RIMS2: variants seen among roughly 807,000 people sequenced by gnomAD.
RIMS2 encodes regulating synaptic membrane exocytosis 2.
Under a neutral mutation model 174.4 loss-of-function variants are expected in RIMS2, and 59 were observed. The ratio of observed to expected loss-of-function variants is 0.34; its 90% CI spans 0.27 to 0.42. The LOEUF (loss-of-function observed/expected upper bound fraction) is 0.42. RIMS2 is among the 10% of genes least tolerant of loss of function. The pLI, the probability that RIMS2 is intolerant of heterozygous loss-of-function variation, is 1.00. For missense variants in RIMS2, 1,620 were observed against 1,666.3 expected, an observed-to-expected ratio of 0.97 and a Z score of 0.48; for synonymous variants, 606 against 572.5, an observed-to-expected ratio of 1.06 and a Z score of -0.84.
chr8:103,626,551 A>G (rs1489857816), intron 1 of RIMS2, among the ~76,000 whole-genome samples: 1 of 152,258 alleles, frequency 6.6e-6, no homozygotes, highest in Non-Finnish European at 1.5e-5. Flanking sequence ...TGTTGCACAT[A>G]AAAGTGACAC....
chr8:103,910,676 A>T (rs2075491257), intron 5 of RIMS2, 147 bp downstream of exon 8: 1 of 506,830 alleles, frequency 2.0e-6, no homozygotes, highest in Admixed American at 3.7e-5. Flanking sequence ...GAAAAACAAA[A>T]CCAAACTAAA....
intron 19 of RIMS2, among the ~76,000 whole-genome samples, chr8:104,220,016 G>T (rs1383600901): frequency 6.6e-6 from 1 of 151,942 alleles, no homozygotes; most frequent in Non-Finnish European, 1.5e-5. Context: ...GTTATACATA[G>T]GAAAACAATT....
At chr8:103,714,459 G>A (rs1422980230) in intron 2 of RIMS2, among the ~76,000 whole-genome samples, 1 of 152,104 alleles carries the variant, frequency 6.6e-6, no homozygotes, top group African/African-American at 2.4e-5. Flanking sequence ...ATTAGAGAAG[G>A]TAGTCAAGAA....
chr8:103,908,989 A>G (rs1214004950), intron 4 of RIMS2, among the ~76,000 whole-genome samples: 1 of 152,180 alleles, frequency 6.6e-6, no homozygotes, highest in Non-Finnish European at 1.5e-5. Context: ...TTCAGAAACC[A>G]TGGTGTTCCT....
At chr8:103,843,291 T>C (rs1165425797) in intron 3 of RIMS2, among the ~76,000 whole-genome samples, 4 of 152,212 alleles carry the variant, frequency 2.6e-5, no homozygotes, top group Non-Finnish European at 4.4e-5. Context: ...TTTTTGGTTT[T>C]AAAGAGACAG....
intron 1 of RIMS2, among the ~76,000 whole-genome samples, chr8:103,600,339 G>T (rs1048349572): frequency 5.3e-5 from 8 of 151,802 alleles, no homozygotes; most frequent in Non-Finnish European, 1.2e-4. Context: ...GTGCAATCTT[G>T]GCTCACTGTA....
chr8:103,800,233 T>A (rs377150238), intron 3 of RIMS2, among the ~76,000 whole-genome samples: 170 of 152,270 alleles, frequency 1.1e-3, no homozygotes, highest in African/African-American at 3.8e-3. Flanking sequence ...ATTTTTTTTT[T>A]AGGTTTTTTG....
chr8:103,530,405 G>A (rs940605221), intron 1 of RIMS2, among the ~76,000 whole-genome samples: 2 of 152,072 alleles, frequency 1.3e-5, no homozygotes, highest in African/African-American at 2.4e-5. Context: ...ATTTGACCAC[G>A]AATCTGTTAA....
At chr8:104,176,346 C>T (rs984164771) in intron 19 of RIMS2, among the ~76,000 whole-genome samples, 13 of 151,940 alleles carry the variant, frequency 8.6e-5, no homozygotes, top group Non-Finnish European at 1.0e-4. Context: ...CAAGCTGAAT[C>T]GGGAACAACC....
In RIMS2 at chr8:104,249,716, G is replaced by A. The variant is rs538992803; in HGVS notation, c.3691+128G>A. On this transcript the variant is annotated intron_variant, in intron 22 of 23. Coordinates refer to ENST00000504942, the Ensembl canonical transcript of RIMS2. ...ACTAATGGATGGTCCATTATGACTG[G>A]TCTGGTGCTGGAGTCATTTGTGTGT... The A allele has an allele frequency of 1.2e-5, 7 of 606,190 alleles. No individual in the cohort carries two copies. The East Asian group carries it at 1.4e-4, about 13-fold the overall frequency. The allele number at this position is 606,190 out of a possible 1,614,324, so 37.6% of individuals were successfully genotyped here.
Position 103,796,557 on chromosome 8 carries a change from A to G in RIMS2, c.698+30020A>G, listed in dbSNP as rs1386424806. ...ACCACTTTTTTTCCTTTCCCCTATA[A>G]TCTAGCCTCAGCAGATCACTAATGA... On this transcript the variant is annotated intron_variant, in intron 3 of 23. Transcript: ENST00000504942. Among the ~76,000 whole-genome samples, 6 of 152,074 alleles carry G rather than the reference A, an allele frequency of 3.9e-5. No individual in the cohort carries two copies. In the South Asian group the frequency reaches 1.2e-3, roughly 32 times the overall value.
At chr8:104,102,355 C>T (rs2097918692) in intron 19 of RIMS2, among the ~76,000 whole-genome samples, 1 of 152,188 alleles carries the variant, frequency 6.6e-6, no homozygotes, top group African/African-American at 2.4e-5. Flanking sequence ...TAGTTCTTCT[C>T]CACTGGGCAC....
chr8:103,997,968 G>A (rs1335297957), intron 17 of RIMS2, among the ~76,000 whole-genome samples: 2 of 151,130 alleles, frequency 1.3e-5, no homozygotes, highest in South Asian at 2.1e-4. Flanking sequence ...TATTGTTGTT[G>A]CATTTTATTT....
intron 20 of RIMS2, among the ~76,000 whole-genome samples, chr8:104,246,201 TG>T (rs1289010701): frequency 6.6e-6 from 1 of 152,156 alleles, no homozygotes. Flanking sequence ...TACCTTCCAG[TG>T]GGCCAGTCAC....
chr8:104,167,520 T>C (rs2098805040), intron 19 of RIMS2, among the ~76,000 whole-genome samples: 2 of 152,146 alleles, frequency 1.3e-5, no homozygotes, highest in South Asian at 4.1e-4. Flanking sequence ...TTGCTTGGAT[T>C]ATTTGTTTTT....
At chr8:103,801,618 T>C (rs891398492) in intron 3 of RIMS2, among the ~76,000 whole-genome samples, 1 of 152,248 alleles carries the variant, frequency 6.6e-6, no homozygotes, top group East Asian at 1.9e-4. Flanking sequence ...ATTTTAGTGA[T>C]AATTTCTCGT....
intron 3 of RIMS2, among the ~76,000 whole-genome samples, chr8:103,779,771 G>A: frequency 9.9e-6 from 1 of 100,982 alleles, no homozygotes; most frequent in East Asian, 3.6e-4. Flanking sequence ...GGGGAGGGGG[G>A]AGGGATAGCA....
chr8:103,531,215 T>A (rs1836925349), intron 1 of RIMS2, among the ~76,000 whole-genome samples: 1 of 152,072 alleles, frequency 6.6e-6, no homozygotes, highest in Admixed American at 6.5e-5. Flanking sequence ...AGTACATACA[T>A]ATTCTTTTCA....
chr8:103,603,464 G>T (rs1316971622), intron 1 of RIMS2, among the ~76,000 whole-genome samples: 1 of 150,898 alleles, frequency 6.6e-6, no homozygotes, highest in Non-Finnish European at 1.5e-5. Flanking sequence ...ACATACGTGT[G>T]CATGTGTCTT....
Sources: gnomAD v4.1 joint callset for allele counts (sites outside exome capture counted in the v4.1 genomes callset) on GRCh38, gnomAD v4.1.1 for gene constraint, MANE v1.5 for transcripts, NCBI Gene and HGNC (gene_info 2026-07-23, HGNC 2026-07-21) for gene names.